The following OR4F15 variants were observed in gnomAD, a reference collection of about 807,000 sequenced individuals.
OR4F15 encodes olfactory receptor 4F15.
In OR4F15, 7 loss-of-function variants were observed where a neutral mutation model predicts 11.9. The ratio of observed to expected loss-of-function variants is 0.59; its 90% CI spans 0.33 to 1.10. The LOEUF (loss-of-function observed/expected upper bound fraction) is 1.10, where lower values mean the gene tolerates loss of function less well. Ranked by LOEUF, OR4F15 falls within the 50% of genes least tolerant of loss-of-function variation. The probability of loss-of-function intolerance (pLI) is 0.03; values close to 1 mark genes in which losing one functional copy is unlikely to be tolerated. For synonymous variants in OR4F15, 151 were observed against 134.6 expected (o/e 1.12, Z -0.84); for missense variants, 445 against 377.5 (o/e 1.18, Z -1.48).
chr15:101,819,049 C>T lies in OR4F15; in HGVS notation c.863C>T (p.Thr288Ile), dbSNP rs1301516224. The T allele has an allele frequency of 6.2e-7, 1 of 1,613,952 alleles. No individual in the cohort carries two copies. The highest frequency in any genetic ancestry group is 8.5e-7 in the Non-Finnish European group (1 of 1,179,902). ...ITPFLNPVIY[T>I]FRNKDMKVAM... ...CCTTTTCTGAATCCAGTTATCTACA[C>T]ATTCAGGAACAAAGACATGAAAGTG... The change falls in exon 2 of 2, where the codon ACA becomes ATA. Residue 288 changes from threonine (T) to isoleucine (I), a missense_variant. By Grantham distance (89) the Thr-to-Ile change is moderately conservative (BLOSUM62 -1). Coordinates refer to ENST00000332238, the MANE Select transcript of OR4F15 (RefSeq NM_001001674.2).
In OR4F15 at chr15:101,818,105, A is replaced by G; in HGVS notation, c.-37-45A>G. The G allele has an allele frequency of 8.9e-6, 8 of 901,062 alleles. No individual in the cohort carries two copies. The South Asian group carries it at 1.3e-4, about 15-fold the overall frequency. 55.8% of individuals were successfully genotyped at this position (901,062 alleles called of 1,614,324 possible). A position where few individuals can be genotyped will look rare whatever the true frequency, so the allele number is the denominator to read the frequency against. ...CTGGAGGCTTTCTTTCTTGAACATG[A>G]ATACTTGCCTAGGTAATTCTTTCTC... is the stretch of plus-strand genomic sequence containing the variant. On this transcript the variant is annotated intron_variant, in intron 1 of 1. Coordinates refer to ENST00000332238, the MANE Select transcript of OR4F15 (RefSeq NM_001001674.2).
chr15:101,816,114 T>C (rs1361550711), intron 1 of OR4F15, among the ~76,000 whole-genome samples: 1 of 152,110 alleles, frequency 6.6e-6, no homozygotes, highest in Non-Finnish European at 1.5e-5. Flanking sequence ...TTCAAAAATG[T>C]TCATGTCCTA....
intron 1 of OR4F15, among the ~76,000 whole-genome samples, chr15:101,817,139 C>T (rs1185399480): frequency 2.6e-5 from 4 of 151,996 alleles, no homozygotes; most frequent in African/African-American, 4.8e-5. Flanking sequence ...CATTTTGAAC[C>T]ATATTAGAAG....
At chr15:101,812,854 C>T (rs1038356537) in intron 1 of OR4F15, among the ~76,000 whole-genome samples, 1 of 152,086 alleles carries the variant, frequency 6.6e-6, no homozygotes, top group East Asian at 1.9e-4. Flanking sequence ...GTTTAACAAC[C>T]TGCAATAAAT....
rs760714463 is a variant in OR4F15, at chr15:101,818,173, T to C, written c.-14T>C. 7 of 1,543,648 alleles carry C rather than the reference T, an allele frequency of 4.5e-6. No individual in the cohort carries two copies. The highest frequency in any genetic ancestry group is 5.3e-6 in the Non-Finnish European group (6 of 1,126,156). On this transcript the variant is annotated 5_prime_UTR_variant, in exon 2 of 2. Transcript: ENST00000332238. ...AGGTAAGTAACATGAAAACTGATCT[T>C]GGAGTCTGAGGCAATGAATGGAATG...
chr15:101,818,879 TGGTCTAGCCAA>T lies in OR4F15; in HGVS notation c.696_706del (p.Leu233ProfsTer33). On this transcript the variant is annotated frameshift_variant, in exon 2 of 2. Coordinates refer to ENST00000332238, the MANE Select transcript of OR4F15 (RefSeq NM_001001674.2). LOFTEE classifies it high-confidence loss of function. The stretch of plus-strand genomic sequence containing the variant: ...TCACTGTTTGGAAACATTCTTCTGG[TGGTCTAGCCAA>T]GGCCCTCTCTACCCTGTCAGCTCAT... 1 of 1,613,956 alleles carries T rather than the reference TGGTCTAGCCAA, an allele frequency of 6.2e-7. No individual in the cohort carries two copies. The highest frequency in any genetic ancestry group is 1.3e-5 in the African/African-American group (1 of 75,050).
intron 1 of OR4F15, among the ~76,000 whole-genome samples, chr15:101,814,635 A>G (rs1384698486): frequency 2.6e-5 from 4 of 152,072 alleles, no homozygotes; most frequent in African/African-American, 9.7e-5. Context: ...CTTTATCACA[A>G]TTTTCCACTT....
intron 1 of OR4F15, among the ~76,000 whole-genome samples, chr15:101,815,675 A>G (rs1162421622): frequency 1.3e-5 from 2 of 152,182 alleles, no homozygotes; most frequent in African/African-American, 4.8e-5. Flanking sequence ...TATGGATTCC[A>G]CAAAAGCAAG....
Position 101,819,230 on chromosome 15 carries a change from T to C in OR4F15, c.*105T>C. 1 of 703,950 alleles carries C rather than the reference T, an allele frequency of 1.4e-6. No homozygotes were observed. The highest frequency in any genetic ancestry group is 2.3e-6 in the Non-Finnish European group (1 of 429,214). 43.6% of individuals were successfully genotyped at this position (703,950 alleles called of 1,614,324 possible). A position where few individuals can be genotyped will look rare whatever the true frequency, so the allele number is the denominator to read the frequency against. ...TACTGAAGACTCAGGCCATACTATA[T>C]GCCTGAAAATTTATGAAATCATGGT... is the stretch of plus-strand genomic sequence containing the variant. On this transcript the variant is annotated 3_prime_UTR_variant, in exon 2 of 2. Transcript: ENST00000332238.
rs764681325 is a variant in OR4F15 at position 101,818,601 on chromosome 15, A to C, written c.415A>C (p.Arg139=). The C allele has an allele frequency of 6.2e-7, 1 of 1,614,198 alleles. No homozygotes were observed. Among genetic ancestry groups the C allele is most frequent in the Non-Finnish European group, 8.5e-7 (1 of 1,180,030 alleles). ...CCACTACCTGACCATCATGAGCCCA[A>C]GAATGTGTCTATACTTTTTAGCCAC... The part of the protein sequence containing the change: ...PLHYLTIMSP[R]MCLYFLATSS... Residue 139 remains arginine (R), a synonymous_variant, in exon 2 of 2, where the codon AGA becomes CGA. Coordinates refer to ENST00000332238, the MANE Select transcript of OR4F15 (RefSeq NM_001001674.2).
chr15:101,819,073 T>A lies in OR4F15; in HGVS notation c.887T>A (p.Val296Glu). ...IYTFRNKDMK[V>E]AMRRLCSRLA... is the part of the protein sequence containing the mutation. ...ACATTCAGGAACAAAGACATGAAAG[T>A]GGCAATGAGGAGACTGTGCAGTCGT... Residue 296 changes from valine (V) to glutamate (E), a missense_variant, in exon 2 of 2, where the codon GTG (valine) becomes GAG (glutamate). Val to Glu is a moderately radical substitution (Grantham distance 121, BLOSUM62 -2). Coordinates refer to ENST00000332238, the MANE Select transcript of OR4F15 (RefSeq NM_001001674.2). 6.2e-7 allele frequency: 1 copy of A among 1,613,984 alleles called. No individual in the cohort carries two copies. The highest frequency in any genetic ancestry group is 1.1e-5 in the South Asian group (1 of 91,066).
In OR4F15 at chr15:101,818,455, A is replaced by G. The variant is rs1233936405; in HGVS notation, c.269A>G (p.Lys90Arg). ...ATTTGTGATATTTTCAAGAAGCACA[A>G]GGCCATCTCCTTTCGGGGATGTATT... ...KMICDIFKKHKAISFRGCITQ... is the reference protein window; with the variant it reads ...KMICDIFKKHRAISFRGCITQ... The change falls in exon 2 of 2, where the codon AAG (lysine) becomes AGG (arginine). Residue 90 changes from lysine (K) to arginine (R), a missense_variant. Transcript: ENST00000332238. 6 of 1,614,046 alleles carry G rather than the reference A, an allele frequency of 3.7e-6. No homozygotes were observed. Among genetic ancestry groups the G allele is most frequent in the African/African-American group, 2.7e-5 (2 of 74,922 alleles).
At position 101,818,429 on chromosome 15, in the gene OR4F15, G is replaced by A. The variant is rs1567112095; in HGVS notation, c.243G>A (p.Met81Ile). ...TTTGCTCAATTACAGCCCCTAAGATGATTTGTGATATTTTCAAGAAGCACA... is the reference window on the plus strand; with the variant it reads ...TTTGCTCAATTACAGCCCCTAAGATAATTTGTGATATTTTCAAGAAGCACA... ...MAFCSITAPK[M>I]ICDIFKKHKA... is the part of the protein sequence containing the mutation. The change falls in exon 2 of 2, where the codon ATG becomes ATA. Residue 81 changes from methionine (M) to isoleucine (I), a missense_variant. Met to Ile is a conservative substitution (Grantham distance 10). Coordinates refer to ENST00000332238, the MANE Select transcript of OR4F15 (RefSeq NM_001001674.2). 6.2e-7 allele frequency: 1 copy of A among 1,614,016 alleles called. No individual in the cohort carries two copies. Among genetic ancestry groups the A allele is most frequent in the South Asian group, 1.1e-5 (1 of 91,072 alleles).
Position 101,820,094 on chromosome 15 carries a change from A to T in OR4F15, c.*969A>T, listed in dbSNP as rs1354905923. 1 of 152,222 alleles carries T rather than the reference A, an allele frequency of 6.6e-6. No individual in the cohort carries two copies. The highest frequency in any genetic ancestry group is 6.5e-5 in the Admixed American group (1 of 15,282). The allele number at this position is 152,222 out of a possible 1,614,324, so 9.4% of individuals were successfully genotyped here. A position where few individuals can be genotyped will look rare whatever the true frequency, so the allele number is the denominator to read the frequency against. On this transcript the variant is annotated 3_prime_UTR_variant, in exon 2 of 2. Transcript: ENST00000332238. Reference sequence around the variant, plus strand: ...TGGAAACCATCAAAGAGAGCCAGGCACCAGAAACCATGACTCTGATTGCTA... The same window carrying T: ...TGGAAACCATCAAAGAGAGCCAGGCTCCAGAAACCATGACTCTGATTGCTA...
chr15:101,815,531 G>A (rs1026654692), intron 1 of OR4F15, among the ~76,000 whole-genome samples: 1 of 152,126 alleles, frequency 6.6e-6, no homozygotes, highest in Non-Finnish European at 1.5e-5. Flanking sequence ...TCAGAAAACA[G>A]ATCTCCTGAA....
chr15:101,816,383 C>A (rs1902989311), intron 1 of OR4F15, among the ~76,000 whole-genome samples: 1 of 152,092 alleles, frequency 6.6e-6, no homozygotes, highest in Admixed American at 6.5e-5. Context: ...AGGAGGAATG[C>A]AGCTCTGTTG....
chr15:101,813,232 G>T (rs1213230304), intron 1 of OR4F15, among the ~76,000 whole-genome samples: 1 of 152,174 alleles, frequency 6.6e-6, no homozygotes, highest in South Asian at 2.1e-4. Flanking sequence ...ACACAGCCGG[G>T]CACGGTGGCT....
In OR4F15 at chr15:101,818,623, C is replaced by A; in HGVS notation, c.437C>A (p.Ala146Asp). Residue 146 changes from alanine to aspartate, a missense_variant, in exon 2 of 2, where the codon GCC (alanine) becomes GAC (aspartate). Ala to Asp is a moderately radical substitution (Grantham distance 126, BLOSUM62 -2). Coordinates refer to ENST00000332238, the MANE Select transcript of OR4F15 (RefSeq NM_001001674.2). ...MSPRMCLYFL[A>D]TSSIIGLIHS... The stretch of plus-strand genomic sequence containing the variant: ...CCAAGAATGTGTCTATACTTTTTAG[C>A]CACTTCCTCTATCATTGGCCTTATC... 1 of 1,614,096 alleles carries A rather than the reference C, an allele frequency of 6.2e-7. No individual in the cohort carries two copies. The highest frequency in any genetic ancestry group is 2.2e-5 in the East Asian group (1 of 44,888).
intron 1 of OR4F15, among the ~76,000 whole-genome samples, chr15:101,815,486 A>G (rs1207522481): frequency 1.3e-5 from 2 of 152,156 alleles, no homozygotes; most frequent in Non-Finnish European, 2.9e-5. Flanking sequence ...GTGTAATAGA[A>G]GTTATAGTGG....
Sources: allele counts gnomAD v4.1 joint callset (sites outside exome capture counted in the v4.1 genomes callset), GRCh38; gene constraint gnomAD v4.1.1; transcripts MANE v1.5; gene names NCBI Gene and HGNC (gene_info 2026-07-23, HGNC 2026-07-21).